KALRN: variants seen among roughly 807,000 people sequenced by gnomAD.
KALRN encodes kalirin RhoGEF kinase.
KALRN carries 70 observed loss-of-function variants against 353.7 expected under a neutral mutation model. The ratio of observed to expected loss-of-function variants is 0.20; its 90% CI spans 0.16 to 0.24. KALRN has a LOEUF of 0.24. KALRN is among the 10% of genes least tolerant of loss of function. The pLI is 1.00. For synonymous variants in KALRN, 1,391 were observed against 1,434.8 expected (o/e 0.97, Z 0.69); for missense variants, 2,791 against 3,756.7 (o/e 0.74, Z 6.72).
chr3:124,549,869 A>C (rs1372706129), intron 33 of KALRN, among the ~76,000 whole-genome samples: 3 of 152,170 alleles, frequency 2.0e-5, no homozygotes, highest in African/African-American at 7.2e-5. Flanking sequence ...AGAAATGGCC[A>C]GGACACATTT....
At chr3:124,338,041 G>C (rs1014520421) in intron 9 of KALRN, among the ~76,000 whole-genome samples, 1 of 151,536 alleles carries the variant, frequency 6.6e-6, no homozygotes, top group Non-Finnish European at 1.5e-5. Context: ...TTCTTTATTA[G>C]TCTGGCTAGT....
intron 18 of KALRN, among the ~76,000 whole-genome samples, chr3:124,441,104 G>T (rs1405551679): frequency 6.6e-6 from 1 of 152,182 alleles, no homozygotes; most frequent in Non-Finnish European, 1.5e-5. Context: ...AGATGAGGGG[G>T]ACTTCATGGG....
At chr3:124,712,022 G>A (rs752574077) in intron 57 of KALRN, among the ~76,000 whole-genome samples, 7 of 152,164 alleles carry the variant, frequency 4.6e-5, no homozygotes, top group Non-Finnish European at 1.0e-4. Flanking sequence ...GCATAAGAAT[G>A]ATATGATGGA....
At chr3:124,655,453 T>A in intron 38 of KALRN, 148 bp from the exon 39 acceptor site, 1 of 627,062 alleles carries the variant, frequency 1.6e-6, no homozygotes, top group Non-Finnish European at 2.9e-6. Context: ...AGGGAAAGCA[T>A]CCGTAAGCAT....
At chr3:124,650,961 C>G (rs761464518) in intron 38 of KALRN, 23 bp downstream of exon 38, 18 of 1,613,138 alleles carry the variant, frequency 1.1e-5, no homozygotes, top group Non-Finnish European at 1.5e-5. Context: ...CCCAGTTCCT[C>G]CCTGTGGTGC....
chr3:124,241,942 G>C (rs1181283612), intron 3 of KALRN, among the ~76,000 whole-genome samples: 2 of 152,216 alleles, frequency 1.3e-5, no homozygotes, highest in African/African-American at 4.8e-5. Flanking sequence ...GGAGATGAAG[G>C]GGTGTCAGGT....
intron 34 of KALRN, among the ~76,000 whole-genome samples, chr3:124,630,559 G>A (rs2080656083): frequency 6.6e-6 from 1 of 152,056 alleles, no homozygotes; most frequent in African/African-American, 2.4e-5. Context: ...ACCACACCCG[G>A]CTCCAGTAGT....
chr3:124,445,072 C>G (rs2093792853), intron 19 of KALRN, among the ~76,000 whole-genome samples: 1 of 152,180 alleles, frequency 6.6e-6, no homozygotes, highest in South Asian at 2.1e-4. Flanking sequence ...AACTCAGGCT[C>G]TGAAGTCAGA....
chr3:124,151,078 T>C (rs113369251), intron 1 of KALRN, among the ~76,000 whole-genome samples: 2 of 152,316 alleles, frequency 1.3e-5, no homozygotes, highest in African/African-American at 4.8e-5. Context: ...AATTTATCCA[T>C]CTTACTGTAC....
intron 23 of KALRN, among the ~76,000 whole-genome samples, chr3:124,456,991 C>T (rs2059370590): frequency 6.6e-6 from 1 of 152,156 alleles, no homozygotes; most frequent in Non-Finnish European, 1.5e-5. Context: ...TTTTACTTCA[C>T]AATGTCAAAA....
chr3:124,334,550 T>G lies in KALRN; in HGVS notation c.1647+55T>G. On this transcript the variant is annotated intron_variant, in intron 9 of 59. Transcript: ENST00000682506. This position sits in a 1 kb window ranked among gnomAD's most constrained non-coding sequence, Gnocchi z 4.2. ...ATCCATTCTAGGAGGCAGACCGAGC[T>G]CAAGTCCCTGACCTAGGTGATCAGG... 7.7e-7 allele frequency: 1 copy of G among 1,297,588 alleles called. No homozygotes were observed. Among genetic ancestry groups the G allele is most frequent in the Non-Finnish European group, 1.1e-6 (1 of 919,044 alleles). The allele number at this position is 1,297,588 out of a possible 1,614,324, so 80.4% of individuals were successfully genotyped here. A position where few individuals can be genotyped will look rare whatever the true frequency, so the allele number is the denominator to read the frequency against.
At chr3:124,238,143 G>GCTGT (rs2080013231) in intron 3 of KALRN, among the ~76,000 whole-genome samples, 1 of 152,136 alleles carries the variant, frequency 6.6e-6, no homozygotes, top group Non-Finnish European at 1.5e-5. Context: ...CAGTTAGAGT[G>GCTGT]CTGTCAAGGA....
At chr3:124,216,920 C>T (rs57065575) in intron 1 of KALRN, among the ~76,000 whole-genome samples, 1 of 152,126 alleles carries the variant, frequency 6.6e-6, no homozygotes. Flanking sequence ...CTTAGTTAGT[C>T]TCCTCTCTTC....
chr3:124,557,031 A>C (rs1021155043), intron 33 of KALRN, among the ~76,000 whole-genome samples: 2 of 152,212 alleles, frequency 1.3e-5, no homozygotes, highest in African/African-American at 4.8e-5. Context: ...CTTAGTAGAT[A>C]TATCATAATT....
chr3:124,208,988 ATC>A (rs1397403013), intron 1 of KALRN, among the ~76,000 whole-genome samples: 36 of 151,508 alleles, frequency 2.4e-4, no homozygotes, highest in Admixed American at 2.0e-3. Flanking sequence ...AATAATAATC[ATC>A]ATCATCATCA....
chr3:124,300,272 G>A (rs545579109), intron 6 of KALRN, among the ~76,000 whole-genome samples: 27 of 152,306 alleles, frequency 1.8e-4, no homozygotes, highest in African/African-American at 6.0e-4. Flanking sequence ...GATAATCATG[G>A]TGCAGCTTGA....
intron 19 of KALRN, 48 bp downstream of exon 19, chr3:124,442,107 T>A (rs1301676944): frequency 4.3e-6 from 5 of 1,168,860 alleles, no homozygotes; most frequent in Non-Finnish European, 4.9e-6. Context: ...CGACAGCCCC[T>A]CCCTGAAATA....
intron 33 of KALRN, among the ~76,000 whole-genome samples, chr3:124,500,801 T>C (rs1437368358): frequency 6.6e-6 from 1 of 152,196 alleles, no homozygotes; most frequent in African/African-American, 2.4e-5. Flanking sequence ...AGTAAGTTCA[T>C]GGTTTTCTGA....
chr3:124,233,750 G>A (rs1177439690), intron 2 of KALRN, among the ~76,000 whole-genome samples: 2 of 152,124 alleles, frequency 1.3e-5, no homozygotes, highest in East Asian at 3.9e-4. Context: ...CAGTATTGGT[G>A]AGGTTCGCAC....
Sources: gnomAD v4.1 joint callset for allele counts (sites outside exome capture counted in the v4.1 genomes callset) on GRCh38, gnomAD v4.1.1 for gene constraint, Gnocchi (gnomAD v3.1) non-coding constraint, MANE v1.5 for transcripts, NCBI Gene and HGNC (gene_info 2026-07-23, HGNC 2026-07-21) for gene names.